The following EPHA10 variants were observed in gnomAD, a reference collection of about 807,000 sequenced individuals.
The protein encoded by EPHA10 is EPH receptor A10.
EPHA10 carries 120 observed loss-of-function variants against 109.7 expected under a neutral mutation model. The ratio of observed to expected loss-of-function variants is 1.09; its 90% confidence interval spans 0.94 to 1.27. The LOEUF is 1.27. Ranked by LOEUF, EPHA10 falls within the 50% of genes most tolerant of loss-of-function variation. EPHA10 has a pLI of 0.00. For synonymous variants in EPHA10, 640 were observed against 618.9 expected (o/e 1.03, Z -0.51); for missense variants, 1,396 against 1,411.1 (o/e 0.99, Z 0.17).
At chr1:37,724,895 C>A (rs1478264158) in intron 8 of EPHA10, among the ~76,000 whole-genome samples, 1 of 152,168 alleles carries the variant, frequency 6.6e-6, no homozygotes, top group Non-Finnish European at 1.5e-5. Flanking sequence ...CAGACAGCAG[C>A]ATGTCAGCTT....
intron 6 of EPHA10, among the ~76,000 whole-genome samples, chr1:37,733,317 G>A (rs758835334): frequency 2.0e-5 from 3 of 151,646 alleles, no homozygotes; most frequent in Non-Finnish European, 4.4e-5. Flanking sequence ...GACTTCCCGG[G>A]CTCAAGCGAT....
intron 5 of EPHA10, among the ~76,000 whole-genome samples, chr1:37,738,605 T>G (rs1008431199): frequency 6.6e-6 from 1 of 151,222 alleles, no homozygotes; most frequent in Admixed American, 6.6e-5. Flanking sequence ...AATATGGAGG[T>G]TCCTTAAAAA....
intron 3 of EPHA10, chr1:37,760,224 C>T (rs72917906): frequency 1.9e-5 from 19 of 983,010 alleles, no homozygotes; most frequent in Non-Finnish European, 2.3e-5. Context: ...AGAGCTAGGA[C>T]TATGTCTGAC....
downstream of EPHA10, chr1:37,715,815 C>G: frequency 6.1e-6 from 3 of 490,088 alleles, no homozygotes; most frequent in South Asian, 4.8e-5. Context: ...TGCCATGGAT[C>G]CTGGGACATC....
rs763059758 is a variant in EPHA10 at position 37,762,088 on chromosome 1, G to A, written c.172-5C>T. The A allele has an allele frequency of 6.8e-5, 107 of 1,574,186 alleles. 2 individuals are homozygous for A. In the South Asian group the frequency reaches 1.2e-3, roughly 18 times the overall value. On this transcript the variant is annotated splice_region_variant and splice_polypyrimidine_tract_variant and intron_variant, in intron 2 of 16. Transcript: ENST00000373048. ...CACGCCGCTGATCTCCTCCCACTGGGGACAAGAGTAAAGGGGTGGGCAGCC... is the reference window on the plus strand; with the variant it reads ...CACGCCGCTGATCTCCTCCCACTGGAGACAAGAGTAAAGGGGTGGGCAGCC...
At chr1:37,731,793 C>T (rs746578259) in intron 6 of EPHA10, among the ~76,000 whole-genome samples, 17 of 152,224 alleles carry the variant, frequency 1.1e-4, no homozygotes, top group Admixed American at 7.2e-4. Context: ...CACCCACACT[C>T]GGTGGCACTT....
intron 5 of EPHA10, among the ~76,000 whole-genome samples, chr1:37,748,982 G>T (rs1331578062): frequency 7.2e-6 from 1 of 139,464 alleles, no homozygotes; most frequent in Non-Finnish European, 1.5e-5. Flanking sequence ...GAGTGCAGTG[G>T]CACGATCTCA....
chr1:37,723,262 T>C (rs11577529), intron 9 of EPHA10, 49 bp downstream of exon 9: 133,087 of 1,608,758 alleles, frequency 0.083, 6,139 homozygotes, highest in Middle Eastern at 0.1. Flanking sequence ...GGCTGAGGAG[T>C]GAGGCAGGGT....
chr1:37,741,204 G>C (rs1185702437), intron 5 of EPHA10, among the ~76,000 whole-genome samples: 2 of 152,218 alleles, frequency 1.3e-5, no homozygotes, highest in Admixed American at 6.5e-5. Context: ...AATGTGTTAT[G>C]AGGGACTGAG....
intron 5 of EPHA10, among the ~76,000 whole-genome samples, chr1:37,752,515 T>C (rs1233748733): frequency 6.6e-6 from 1 of 151,998 alleles, no homozygotes; most frequent in Non-Finnish European, 1.5e-5. Context: ...CCCTGAGAAA[T>C]CAGCGGCGAG....
intron 5 of EPHA10, 70 bp from the exon 6 acceptor site, chr1:37,735,460 G>C: frequency 6.6e-7 from 1 of 1,516,958 alleles, no homozygotes; most frequent in Middle Eastern, 2.2e-4. Context: ...GCGGGGAAGA[G>C]GGTGCGGCGT....
intron 3 of EPHA10, chr1:37,760,463 CAG>C (rs1389010995): frequency 3.8e-5 from 40 of 1,054,440 alleles, no homozygotes; most frequent in East Asian, 5.3e-5. Flanking sequence ...GATTGTAGTT[CAG>C]AGAGTGGGAT....
intron 8 of EPHA10, among the ~76,000 whole-genome samples, 184 bp downstream of exon 8, chr1:37,726,918 C>T (rs1282429357): frequency 6.6e-6 from 1 of 152,252 alleles, no homozygotes; most frequent in East Asian, 1.9e-4. Flanking sequence ...GCAGTGCTGG[C>T]TGCCACATGA....
chr1:37,713,886 C>T (rs1645656891), downstream of EPHA10: 1 of 152,144 alleles, frequency 6.6e-6, no homozygotes, highest in Non-Finnish European at 1.5e-5. Flanking sequence ...ATACTTTGTC[C>T]CTGATGCGCG....
At chr1:37,736,674 C>T (rs1443263722) in intron 5 of EPHA10, among the ~76,000 whole-genome samples, 1 of 151,996 alleles carries the variant, frequency 6.6e-6, no homozygotes, top group Non-Finnish European at 1.5e-5. Flanking sequence ...CGCCACTGCA[C>T]TCCAACCTGG....
chr1:37,731,528 C>G lies in EPHA10; in HGVS notation c.1546G>C (p.Val516Leu), dbSNP rs375016026. The G allele has an allele frequency of 1.4e-5, 23 of 1,614,016 alleles. No homozygotes were observed. Among genetic ancestry groups the G allele is most frequent in the Non-Finnish European group, 1.9e-5 (23 of 1,179,960 alleles). The change falls in exon 7 of 17, where the codon GTC (valine) becomes CTC (leucine). Residue 516 changes from valine (V) to leucine (L), a missense_variant. Physicochemically the swap from Val to Leu is conservative, Grantham distance 32 (BLOSUM62 1). Coordinates refer to ENST00000373048, the MANE Select transcript of EPHA10 (RefSeq NM_001099439.2). ...CGGGTAGCCGGCTTCAGGTTGGTGA[C>G]GGTGACTGTGGGCGCCCCTGTCTTC... ...MVKTGAPTVT[V>L]TNLKPATRYV...
intron 5 of EPHA10, among the ~76,000 whole-genome samples, chr1:37,750,827 T>C (rs1003782724): frequency 1.2e-4 from 18 of 151,922 alleles, no homozygotes; most frequent in African/African-American, 4.4e-4. Flanking sequence ...ACTAAGGGCA[T>C]GAGCCACTGT....
intron 5 of EPHA10, among the ~76,000 whole-genome samples, chr1:37,744,378 G>T (rs1028560580): frequency 2.0e-5 from 3 of 151,918 alleles, no homozygotes; most frequent in African/African-American, 7.3e-5. Flanking sequence ...AAATTAGCTG[G>T]GTGCGTCAGT....
intron 15 of EPHA10, 30 bp downstream of exon 15, chr1:37,719,382 TGA>T (rs1299255017): frequency 1.2e-6 from 2 of 1,603,278 alleles, no homozygotes; most frequent in African/African-American, 2.7e-5. Flanking sequence ...CACGGACAGG[TGA>T]GAGGCTGGCT....
Sources: allele counts gnomAD v4.1 joint callset (sites outside exome capture counted in the v4.1 genomes callset), GRCh38; gene constraint gnomAD v4.1.1; transcripts MANE v1.5; gene names NCBI Gene and HGNC (gene_info 2026-07-23, HGNC 2026-07-21).